SMYD4: variants seen among roughly 807,000 people sequenced by gnomAD.
SMYD4 encodes the protein SET and MYND domain containing 4.
A neutral mutation model predicts 72.8 loss-of-function variants in SMYD4; 68 were observed. That is an observed-to-expected ratio of 0.93 (90% CI 0.77 to 1.14). The LOEUF (loss-of-function observed/expected upper bound fraction) is 1.14. Ranked by LOEUF, SMYD4 falls within the 50% of genes most tolerant of loss-of-function variation. SMYD4 has a pLI of 0.00. For missense variants in SMYD4, 984 were observed against 1,003.7 expected (o/e 0.98, Z 0.27); for synonymous variants, 407 against 388.6 (o/e 1.05, Z -0.56).
chr17:1,817,540 C>A (rs1910675699), intron 2 of SMYD4, among the ~76,000 whole-genome samples: 1 of 151,504 alleles, frequency 6.6e-6, no homozygotes, highest in Non-Finnish European at 1.5e-5. Flanking sequence ...TCACTTGTTG[C>A]CCAGGCTGGT....
intron 3 of SMYD4, 49 bp from the exon 4 acceptor site, chr17:1,804,764 T>C (rs773212545): frequency 3.2e-6 from 5 of 1,569,976 alleles, no homozygotes; most frequent in African/African-American, 1.3e-5. Context: ...CCAGCATCTC[T>C]GAAGAACATT....
intron 2 of SMYD4, among the ~76,000 whole-genome samples, chr17:1,822,575 C>T (rs1054794067): frequency 2.0e-4 from 31 of 152,112 alleles, no homozygotes; most frequent in African/African-American, 7.5e-4. Flanking sequence ...GCTACCATAA[C>T]CCACCATGGT....
chr17:1,816,786 T>C (rs909161761), intron 2 of SMYD4, among the ~76,000 whole-genome samples: 1 of 151,866 alleles, frequency 6.6e-6, no homozygotes, highest in Admixed American at 6.6e-5. Flanking sequence ...GATCTCTCAC[T>C]GTGGTTTTGG....
intron 3 of SMYD4, among the ~76,000 whole-genome samples, chr17:1,807,560 G>A (rs1003867749): frequency 2.1e-4 from 32 of 151,628 alleles, no homozygotes; most frequent in African/African-American, 7.7e-4. Context: ...ACAGGGTTTC[G>A]CCCTTTTGGC....
In SMYD4 at chr17:1,783,568, C is replaced by G. The variant is rs890857717; in HGVS notation, c.2021-92G>C. The G allele has an allele frequency of 5.3e-6, 8 of 1,512,048 alleles. No homozygotes were observed. The African/African-American group carries it at 9.7e-5, about 18-fold the overall frequency. The allele number at this position is 1,512,048 out of a possible 1,614,324, so 93.7% of individuals were successfully genotyped here. A position where few individuals can be genotyped will look rare whatever the true frequency, so the allele number is the denominator to read the frequency against. Reference sequence around the variant, plus strand: ...TCTCAAATCCTCTGAATCAGCTGGGCTGAATGTGGAAATTCCCCCTGGCCT... The same window carrying G: ...TCTCAAATCCTCTGAATCAGCTGGGGTGAATGTGGAAATTCCCCCTGGCCT... On this transcript the variant is annotated intron_variant, in intron 8 of 10. Transcript: ENST00000305513.
intron 2 of SMYD4, among the ~76,000 whole-genome samples, chr17:1,826,491 CAAAAAAAAAAA>C (rs111636314): frequency 9.7e-5 from 10 of 103,052 alleles, no homozygotes; most frequent in East Asian, 4.1e-4. Context: ...AAACTCTGTC[CAAAAAAAAAAA>C]AAAAAAAAAA....
chr17:1,827,604 G>A (rs760214860), intron 2 of SMYD4, among the ~76,000 whole-genome samples: 14 of 152,040 alleles, frequency 9.2e-5, no homozygotes, highest in Non-Finnish European at 2.9e-5. Context: ...GGATAGAAAC[G>A]AACCAGGAAA....
At chr17:1,788,510 CCGA>C (rs141733996) in intron 5 of SMYD4, among the ~76,000 whole-genome samples, 2,328 of 152,144 alleles carry the variant, frequency 0.015, 59 homozygotes, top group African/African-American at 0.053. Context: ...CTTTGGGAGG[CCGA>C]GGCGGGCAGA....
chr17:1,806,568 T>C (rs1910043635), intron 3 of SMYD4, among the ~76,000 whole-genome samples: 1 of 152,134 alleles, frequency 6.6e-6, no homozygotes, highest in Non-Finnish European at 1.5e-5. Flanking sequence ...ATGCTCAGCC[T>C]CATACAATCA....
intron 5 of SMYD4, 119 bp downstream of exon 5, chr17:1,799,738 G>T: frequency 1.0e-6 from 1 of 971,632 alleles, no homozygotes; most frequent in Non-Finnish European, 1.5e-6. Flanking sequence ...AGACAGCTTA[G>T]TGATCCCATT....
chr17:1,792,958 G>T (rs1362650706), intron 5 of SMYD4, among the ~76,000 whole-genome samples: 1 of 151,956 alleles, frequency 6.6e-6, no homozygotes, highest in Non-Finnish European at 1.5e-5. Context: ...TTTAGACAGG[G>T]TCTCACTCTG....
At chr17:1,791,116 CAA>C (rs56079708) in intron 5 of SMYD4, among the ~76,000 whole-genome samples, 7 of 86,654 alleles carry the variant, frequency 8.1e-5, no homozygotes, top group Non-Finnish European at 8.9e-5. Context: ...TGGCCCGTCT[CAA>C]AAAAAAAAAA....
At position 1,800,223 on chromosome 17, in the gene SMYD4, G is replaced by C; in HGVS notation, c.1171C>G (p.Leu391Val). The change falls in exon 5 of 11, where the codon CTT becomes GTT. Residue 391 changes from leucine to valine, a missense_variant. Coordinates refer to ENST00000305513, the MANE Select transcript of SMYD4 (RefSeq NM_052928.3). ...LPESNNQVKT[L>V]NYGLGESEKN... ...TCACTCTCCCCTAGGCCATAATTAAGTGTCTTGACCTGATTGTTGCTTTCA... is the reference window on the plus strand; with the variant it reads ...TCACTCTCCCCTAGGCCATAATTAACTGTCTTGACCTGATTGTTGCTTTCA... 6.2e-7 allele frequency: 1 copy of C among 1,613,872 alleles called. No individual in the cohort carries two copies. Among genetic ancestry groups the C allele is most frequent in the Non-Finnish European group, 8.5e-7 (1 of 1,179,812 alleles).
intron 2 of SMYD4, among the ~76,000 whole-genome samples, chr17:1,824,358 C>T (rs114804165): frequency 0.011 from 1,642 of 152,168 alleles, 35 homozygotes; most frequent in African/African-American, 0.037. Context: ...AAAAATAATA[C>T]TAATAAAATA....
At chr17:1,793,649 C>T (rs1018553588) in intron 5 of SMYD4, among the ~76,000 whole-genome samples, 1 of 151,922 alleles carries the variant, frequency 6.6e-6, no homozygotes, top group African/African-American at 2.4e-5. Context: ...CACTTCTTGA[C>T]AAGAGAAGCA....
intron 5 of SMYD4, among the ~76,000 whole-genome samples, chr17:1,796,297 C>A (rs370535602): frequency 6.1e-5 from 3 of 49,066 alleles, no homozygotes; most frequent in Non-Finnish European, 1.4e-4. Flanking sequence ...CCATGCCTGG[C>A]TGTTTTTTTT....
intron 7 of SMYD4, among the ~76,000 whole-genome samples, chr17:1,785,431 A>G (rs1908622752): frequency 1.3e-5 from 1 of 74,466 alleles, no homozygotes; most frequent in African/African-American, 8.2e-5. Context: ...TGTCTCACAA[A>G]AGAAAAAGAA....
Position 1,800,693 on chromosome 17 carries a change from G to A in SMYD4, c.701C>T (p.Ser234Phe). The A allele has an allele frequency of 6.2e-7, 1 of 1,614,220 alleles. No homozygotes were observed. ...TAAAGGATCTACGCATAAGCCGATG[G>A]ATGATGAGGCATTGGAAAGTTGTTC... is the stretch of plus-strand genomic sequence containing the variant. ...ENEQLSNASS[S>F]IGLCVDPLKG... The change falls in exon 5 of 11, where the codon TCC becomes TTC. Residue 234 changes from serine (S) to phenylalanine (F), a missense_variant. By Grantham distance (155) the Ser-to-Phe change is radical. Transcript: ENST00000305513.
intron 2 of SMYD4, among the ~76,000 whole-genome samples, chr17:1,821,105 T>C (rs570492312): frequency 5.9e-5 from 9 of 152,346 alleles, no homozygotes; most frequent in African/African-American, 2.2e-4. Context: ...AAAGCATCCT[T>C]CACGGTTCAT....
Sources: allele counts gnomAD v4.1 joint callset (sites outside exome capture counted in the v4.1 genomes callset), GRCh38; gene constraint gnomAD v4.1.1; transcripts MANE v1.5; gene names NCBI Gene and HGNC (gene_info 2026-07-23, HGNC 2026-07-21).